Variants in TOMM70 observed in about 807,000 individuals in gnomAD.
TOMM70 encodes translocase of outer mitochondrial membrane 70.
In TOMM70, 13 loss-of-function variants were observed where a neutral mutation model predicts 73.6. That is an observed-to-expected ratio of 0.18 (90% CI 0.11 to 0.28). The LOEUF (loss-of-function observed/expected upper bound fraction) is 0.28. Ranked by LOEUF, TOMM70 falls within the 10% of genes least tolerant of loss-of-function variation. The pLI, the probability that TOMM70 is intolerant of heterozygous loss-of-function variation, is 1.00. For synonymous variants in TOMM70, 257 were observed against 271.2 expected (o/e 0.95, Z 0.51); for missense variants, 609 against 747.5 (o/e 0.81, Z 2.16).
chr3:100,397,715 CCT>C (rs1273157938), intron 1 of TOMM70, among the ~76,000 whole-genome samples: 3 of 151,956 alleles, frequency 2.0e-5, no homozygotes, highest in African/African-American at 7.3e-5. Flanking sequence ...ATGGTGAAAC[CCT>C]GTCTCTACTA....
intron 1 of TOMM70, among the ~76,000 whole-genome samples, chr3:100,399,860 T>G (rs574467116): frequency 6.6e-6 from 1 of 151,612 alleles, no homozygotes; most frequent in African/African-American, 2.4e-5. Context: ...GACAGTGCAG[T>G]GCAGAGCGTT....
chr3:100,387,395 C>T (rs749891050), intron 1 of TOMM70, among the ~76,000 whole-genome samples: 10 of 151,838 alleles, frequency 6.6e-5, no homozygotes, highest in South Asian at 2.1e-4. Context: ...TACAGTGAGC[C>T]GAGATCATAG....
chr3:100,397,167 C>T (rs1310629222), intron 1 of TOMM70, among the ~76,000 whole-genome samples: 7 of 152,164 alleles, frequency 4.6e-5, no homozygotes, highest in East Asian at 1.9e-4. Context: ...CTTCTGGTTG[C>T]GAAATCCACC....
chr3:100,369,049 A>G lies in TOMM70; in HGVS notation c.1539T>C (p.Tyr513=), dbSNP rs780673517. The G allele has an allele frequency of 3.1e-6, 5 of 1,603,110 alleles. No homozygotes were observed. Among genetic ancestry groups the G allele is most frequent in the East Asian group, 2.2e-5 (1 of 44,782 alleles). The change falls in exon 10 of 12, where the codon TAT becomes TAC. Residue 513 remains tyrosine (Y), a synonymous_variant. Transcript: ENST00000284320. ...IDLEPDNATT[Y]VHKGLLQLQW... ...ACAAAAATACATACCCTTTATGAAC[A>G]TATGTTGTAGCATTATCTGGTTCCA...
chr3:100,380,679 A>G (rs1008983487), intron 5 of TOMM70, among the ~76,000 whole-genome samples: 15 of 152,344 alleles, frequency 9.8e-5, no homozygotes, highest in African/African-American at 3.6e-4. Flanking sequence ...AGAAGAAAGT[A>G]TTTGCATAAC....
At chr3:100,387,117 T>A (rs1340076249) in intron 1 of TOMM70, 139 bp from the exon 2 acceptor site, 3 of 852,558 alleles carry the variant, frequency 3.5e-6, no homozygotes, top group East Asian at 5.3e-5. Flanking sequence ...AATATCTTCA[T>A]GGAATAGATT....
intron 5 of TOMM70, among the ~76,000 whole-genome samples, chr3:100,378,397 G>A (rs1371299285): frequency 3.3e-5 from 5 of 152,186 alleles, no homozygotes; most frequent in African/African-American, 1.2e-4. Flanking sequence ...GGGCGGTGCG[G>A]TTAAACAGAT....
At chr3:100,375,283 G>T in intron 6 of TOMM70, 131 bp from the exon 7 acceptor site, 2 of 1,092,388 alleles carry the variant, frequency 1.8e-6, no homozygotes, top group Non-Finnish European at 2.5e-6. Context: ...CATGTCACCT[G>T]TTTTTAGTGT....
chr3:100,377,944 T>G, intron 5 of TOMM70, 32 bp from the exon 6 acceptor site: 1 of 1,585,496 alleles, frequency 6.3e-7, no homozygotes, highest in African/African-American at 1.3e-5. Context: ...GGAAATTATT[T>G]ACTAAGAAAA....
At position 100,386,939 on chromosome 3, in the gene TOMM70, T is replaced by C; in HGVS notation, c.364A>G (p.Asn122Asp). The C allele has an allele frequency of 6.2e-7, 1 of 1,614,106 alleles. No homozygotes were observed. The highest frequency in any genetic ancestry group is 8.5e-7 in the Non-Finnish European group (1 of 1,179,994). The stretch of plus-strand genomic sequence containing the variant: ...TATTTTCCTGCTTTAAAATATTTAT[T>C]GCCTTTATTCTTGGCTGCTTGGGCT... The part of the protein sequence containing the change: ...DRAQAAKNKG[N>D]KYFKAGKYEQ... The change falls in exon 2 of 12, where the codon AAT becomes GAT. Residue 122 changes from asparagine to aspartate, a missense_variant. By Grantham distance (23) the Asn-to-Asp change is conservative. Around this residue, in one of 2 missense-constraint regions of TOMM70, gnomAD observed 432 missense variants for 584.1 expected, o/e 0.74. Transcript: ENST00000284320.
At chr3:100,378,560 A>T (rs1414423487) in intron 5 of TOMM70, among the ~76,000 whole-genome samples, 2 of 152,226 alleles carry the variant, frequency 1.3e-5, no homozygotes. Flanking sequence ...AACATAGGTA[A>T]GGATCCTGTC....
intron 5 of TOMM70, among the ~76,000 whole-genome samples, chr3:100,380,208 C>T (rs1474514110): frequency 2.6e-5 from 4 of 151,850 alleles, no homozygotes. Flanking sequence ...TAGCTGGCGT[C>T]GTGGCATGAG....
chr3:100,396,239 A>G (rs1190503520), intron 1 of TOMM70, among the ~76,000 whole-genome samples: 2 of 152,174 alleles, frequency 1.3e-5, no homozygotes, highest in African/African-American at 2.4e-5. Flanking sequence ...AAGATGACCA[A>G]TAACAACAGT....
intron 9 of TOMM70, among the ~76,000 whole-genome samples, chr3:100,371,259 ATTTTTT>A (rs61515802): frequency 4.8e-4 from 47 of 98,668 alleles, no homozygotes; most frequent in Non-Finnish European, 8.4e-4. Context: ...CAGCGATGGT[ATTTTTT>A]TTTTTTTTTT....
intron 4 of TOMM70, among the ~76,000 whole-genome samples, chr3:100,383,581 C>A (rs1706660376): frequency 6.6e-6 from 1 of 151,586 alleles, no homozygotes; most frequent in South Asian, 2.1e-4. Flanking sequence ...CAGCTATACC[C>A]CTCTTAGAGA....
At chr3:100,387,069 G>A (rs1706700017) in intron 1 of TOMM70, 91 bp from the exon 2 acceptor site, 2 of 1,317,776 alleles carry the variant, frequency 1.5e-6, no homozygotes, top group Admixed American at 4.4e-5. Context: ...AAAACAGGAA[G>A]ACAGAATGGC....
At chr3:100,400,453 T>G (rs1397088749) in intron 1 of TOMM70, among the ~76,000 whole-genome samples, 173 bp downstream of exon 1, 1 of 152,248 alleles carries the variant, frequency 6.6e-6, no homozygotes, top group Admixed American at 6.5e-5. Flanking sequence ...TAACCTGTCA[T>G]CGAGCTACTC....
intron 1 of TOMM70, among the ~76,000 whole-genome samples, chr3:100,397,977 A>AGTG: frequency 6.6e-6 from 1 of 151,854 alleles, no homozygotes; most frequent in African/African-American, 2.4e-5. Flanking sequence ...AACGTGGAAA[A>AGTG]GAGGAATTAG....
chr3:100,375,284 T>G, intron 6 of TOMM70, 132 bp from the exon 7 acceptor site: 1 of 1,095,672 alleles, frequency 9.1e-7, no homozygotes, highest in Non-Finnish European at 1.2e-6. Flanking sequence ...ATGTCACCTG[T>G]TTTTAGTGTA....
Sources: allele counts gnomAD v4.1 joint callset (sites outside exome capture counted in the v4.1 genomes callset), GRCh38; gene constraint gnomAD v4.1.1; regional missense constraint gnomAD v4.1.1; transcripts MANE v1.5; gene names NCBI Gene and HGNC (gene_info 2026-07-23, HGNC 2026-07-21).